Variants in DCX observed in about 807,000 individuals in gnomAD.
DCX encodes neuronal migration protein doublecortin.
Under a neutral mutation model 20.9 loss-of-function variants are expected in DCX, and 4 were observed. The observed-to-expected ratio is 0.19, with a 90% CI of 0.09 to 0.44. The LOEUF (loss-of-function observed/expected upper bound fraction) is 0.44. Among genes scored for constraint, DCX ranks in the 20% least tolerant of loss-of-function variants. The pLI is 0.99. For synonymous variants in DCX, 103 were observed against 111.4 expected, an observed-to-expected ratio of 0.92 and a Z score of 0.47; for missense variants, 133 against 296.9, an observed-to-expected ratio of 0.45 and a Z score of 4.06.
chrX:111,378,109 A>G (rs139674884), intron 3 of DCX, among the ~76,000 whole-genome samples: 1,300 of 111,705 alleles, frequency 0.012, 20 homozygotes, highest in African/African-American at 0.04. Context: ...GGCTAGATTC[A>G]GGCAGGGATC....
chrX:111,337,451 T>C (rs1338779687), intron 3 of DCX, among the ~76,000 whole-genome samples: 1 of 111,078 alleles, frequency 9.0e-6, no homozygotes, highest in Non-Finnish European at 1.9e-5. Flanking sequence ...GCATGAATGA[T>C]AGATTATATG....
Position 111,301,090 on chromosome X carries a change from G to C in DCX, c.*597C>G, listed in dbSNP as rs1394658581. On this transcript the variant is annotated 3_prime_UTR_variant, in exon 7 of 7. Coordinates refer to ENST00000636035, the MANE Select transcript of DCX (RefSeq NM_001195553.2). ...CCAGCACCAGGATCCTAAGCATCTG[G>C]TGTCACAATTATAAGTTGTTGGTTT... 1 of 114,516 alleles carries C rather than the reference G, an allele frequency of 8.7e-6. No homozygotes were observed. The highest frequency in any genetic ancestry group is 1.8e-5 in the Non-Finnish European group (1 of 54,630). The allele number at this position is 114,516 out of a possible 1,213,427, so 9.4% of individuals were successfully genotyped here. A position where few individuals can be genotyped will look rare whatever the true frequency, so the allele number is the denominator to read the frequency against.
intron 3 of DCX, among the ~76,000 whole-genome samples, chrX:111,342,717 T>C (rs1603416987): frequency 9.1e-6 from 1 of 110,051 alleles, no homozygotes; most frequent in East Asian, 2.9e-4. Context: ...ACAAACGGTC[T>C]CTCAGACCAC....
chrX:111,351,319 A>T (rs1315778219), intron 3 of DCX, among the ~76,000 whole-genome samples: 1 of 112,275 alleles, frequency 8.9e-6, no homozygotes, highest in African/African-American at 3.2e-5. Flanking sequence ...TATCGACTAT[A>T]TACTTCCAGT....
At chrX:111,371,740 A>T (rs1345924444) in intron 3 of DCX, among the ~76,000 whole-genome samples, 2 of 110,913 alleles carry the variant, frequency 1.8e-5, no homozygotes, top group Non-Finnish European at 3.8e-5. Context: ...CTTGCCCAAA[A>T]TCACATAGCT....
At chrX:111,411,023 CA>C (rs775070204) in intron 1 of DCX, 6 of 1,069,557 alleles carry the variant, frequency 5.6e-6, no homozygotes, top group Non-Finnish European at 7.8e-6. Context: ...CCCCTCCCCC[CA>C]GAATAAACTA....
intron 3 of DCX, among the ~76,000 whole-genome samples, chrX:111,343,746 C>G (rs991292198): frequency 1.3e-4 from 14 of 111,710 alleles, no homozygotes; most frequent in African/African-American, 4.6e-4. Context: ...CTTTGGGAGG[C>G]TAAGGTGGTC....
rs1926271968 is a variant in DCX at position 111,384,998 on chromosome X, A to T, written c.705+15992T>A. Among the ~76,000 whole-genome samples, 3 of 112,581 alleles carry T rather than the reference A, an allele frequency of 2.7e-5. No homozygotes were observed. In the South Asian group the frequency reaches 1.1e-3, roughly 41 times the overall value. The stretch of plus-strand genomic sequence containing the variant: ...TTTAGTGTCAAAGCAGGAGTCTCTG[A>T]GTCCCTTGACCAAAGCTCTTTTCCA... On this transcript the variant is annotated intron_variant, in intron 3 of 6. Coordinates refer to ENST00000636035, the MANE Select transcript of DCX (RefSeq NM_001195553.2).
intron 1 of DCX, chrX:111,411,913 G>A (rs1353290256): frequency 8.9e-6 from 1 of 111,948 alleles, no homozygotes; most frequent in Non-Finnish European, 1.9e-5. Flanking sequence ...TTTAGGATCA[G>A]AGGTAGTATT....
chrX:111,332,374 A>AT (rs780856779), intron 4 of DCX, among the ~76,000 whole-genome samples: 2 of 111,450 alleles, frequency 1.8e-5, no homozygotes, highest in Non-Finnish European at 3.8e-5. Flanking sequence ...ATTCCCTTTG[A>AT]TTTTTTTTCA....
chrX:111,347,698 C>T (rs1317964832), intron 3 of DCX, among the ~76,000 whole-genome samples: 5 of 111,531 alleles, frequency 4.5e-5, no homozygotes, highest in Non-Finnish European at 9.4e-5. Context: ...TCTCTCCACT[C>T]TTTCCTGGTG....
intron 1 of DCX, 112 bp downstream of exon 1, chrX:111,412,026 C>G (rs753854804): frequency 9.0e-6 from 1 of 111,713 alleles, no homozygotes; most frequent in East Asian, 2.8e-4. Flanking sequence ...TAGAATAAGG[C>G]AAAAAAGGAG....
intron 3 of DCX, among the ~76,000 whole-genome samples, chrX:111,347,551 T>C (rs778432084): frequency 2.7e-5 from 3 of 111,196 alleles, no homozygotes; most frequent in Non-Finnish European, 1.9e-5. Flanking sequence ...AAGGGAAAAA[T>C]TGATATTCTT....
chrX:111,396,779 C>T (rs1927351307), intron 3 of DCX, among the ~76,000 whole-genome samples: 1 of 111,893 alleles, frequency 8.9e-6, no homozygotes, highest in Admixed American at 9.5e-5. Flanking sequence ...CATCACCATC[C>T]AATCCTCTAT....
intron 3 of DCX, among the ~76,000 whole-genome samples, chrX:111,399,910 A>C (rs920486656): frequency 1.8e-5 from 2 of 111,922 alleles, no homozygotes; most frequent in African/African-American, 3.2e-5. Flanking sequence ...TGCAAAGTAC[A>C]CAGTACCTGG....
At chrX:111,349,188 G>C (rs1167315040) in intron 3 of DCX, among the ~76,000 whole-genome samples, 2 of 111,853 alleles carry the variant, frequency 1.8e-5, no homozygotes, top group African/African-American at 6.5e-5. Flanking sequence ...CTCTAGACTA[G>C]TTGATTTCTG....
intron 6 of DCX, among the ~76,000 whole-genome samples, chrX:111,306,347 T>C (rs1422191047): frequency 8.9e-6 from 1 of 112,045 alleles, no homozygotes; most frequent in Non-Finnish European, 1.9e-5. Flanking sequence ...AAGAACATTT[T>C]ATAATGATAA....
chrX:111,339,356 T>G (rs1922022356), intron 3 of DCX, among the ~76,000 whole-genome samples: 1 of 110,736 alleles, frequency 9.0e-6, no homozygotes, highest in Non-Finnish European at 1.9e-5. Flanking sequence ...GGTTAATGGA[T>G]TAATGAGTTA....
chrX:111,367,776 T>C (rs1277890402), intron 3 of DCX, among the ~76,000 whole-genome samples: 2 of 110,830 alleles, frequency 1.8e-5, no homozygotes, highest in Non-Finnish European at 3.8e-5. Context: ...GTCTAGGAAT[T>C]GCTGGCCATG....
Sources: allele counts gnomAD v4.1 joint callset (sites outside exome capture counted in the v4.1 genomes callset), GRCh38; gene constraint gnomAD v4.1.1; transcripts MANE v1.5; gene names NCBI Gene and HGNC (gene_info 2026-07-23, HGNC 2026-07-21).